LINGO2: variants seen among roughly 807,000 people sequenced by gnomAD.
LINGO2 encodes leucine rich repeat and Ig domain containing 2.
Under a neutral mutation model 30.6 loss-of-function variants are expected in LINGO2, and 14 were observed. The observed-to-expected ratio is 0.46, with a 90% CI of 0.30 to 0.72. LINGO2 has a LOEUF of 0.72. LINGO2 is among the 30% of genes least tolerant of loss of function. LINGO2 has a pLI of 0.07. For synonymous variants in LINGO2, 317 were observed against 288.5 expected, an observed-to-expected ratio of 1.10 and a Z score of -1.00; for missense variants, 729 against 751.7, an observed-to-expected ratio of 0.97 and a Z score of 0.35.
intron 4 of LINGO2, among the ~76,000 whole-genome samples, chr9:28,270,272 G>T (rs1564086192): frequency 6.6e-6 from 1 of 152,042 alleles, no homozygotes; most frequent in Non-Finnish European, 1.5e-5. Context: ...TATGGGAGCT[G>T]AGCCTATCAG....
intron 5 of LINGO2, among the ~76,000 whole-genome samples, chr9:27,976,949 C>G (rs1428237030): frequency 4.0e-5 from 6 of 151,628 alleles, no homozygotes. Context: ...AAGTTTGTTT[C>G]TAAATACATA....
the LINGO2 span, among the ~76,000 whole-genome samples, chr9:29,060,756 T>TA: frequency 9.9e-4 from 150 of 151,438 alleles, no homozygotes; most frequent in Middle Eastern, 3.4e-3. Context: ...TGTTTGAAAT[T>TA]AAAAAAAACT....
intron 4 of LINGO2, among the ~76,000 whole-genome samples, chr9:28,284,249 C>T (rs78407229): frequency 6.6e-4 from 100 of 152,238 alleles, no homozygotes; most frequent in African/African-American, 2.3e-3. Flanking sequence ...CAGATGCCGA[C>T]TTTGCTGATG....
At chr9:29,157,339 C>T in the LINGO2 span, among the ~76,000 whole-genome samples, 2 of 152,158 alleles carry the variant, frequency 1.3e-5, no homozygotes, top group Non-Finnish European at 2.9e-5. Context: ...GTATAGTCAA[C>T]CTCTCTAGTC....
At chr9:28,181,351 T>G (rs1019966840) in intron 4 of LINGO2, among the ~76,000 whole-genome samples, 2 of 152,208 alleles carry the variant, frequency 1.3e-5, no homozygotes, top group Non-Finnish European at 2.9e-5. Flanking sequence ...ATTTCATTGT[T>G]GCTTGAATAA....
At chr9:28,262,562 T>A (rs1390732196) in intron 4 of LINGO2, among the ~76,000 whole-genome samples, 1 of 151,978 alleles carries the variant, frequency 6.6e-6, no homozygotes, top group African/African-American at 2.4e-5. Context: ...AGTGGTAAAT[T>A]CTTTATTGGA....
the LINGO2 span, among the ~76,000 whole-genome samples, chr9:29,134,072 T>C: frequency 1.4e-4 from 21 of 152,178 alleles, no homozygotes; most frequent in Non-Finnish European, 2.4e-4. Flanking sequence ...GATGAGTTTA[T>C]TGTTTTCCTT....
At chr9:28,596,514 A>G (rs1488767431) in intron 1 of LINGO2, among the ~76,000 whole-genome samples, 1 of 152,214 alleles carries the variant, frequency 6.6e-6, no homozygotes, top group African/African-American at 2.4e-5. Flanking sequence ...ATTCTATAAT[A>G]GATGCATGAA....
At chr9:28,422,762 A>T (rs1464094666) in intron 2 of LINGO2, among the ~76,000 whole-genome samples, 1 of 152,124 alleles carries the variant, frequency 6.6e-6, no homozygotes, top group Non-Finnish European at 1.5e-5. Context: ...CAAAAGATGG[A>T]TGTAGCCTAT....
At chr9:28,448,520 G>A (rs1824518508) in intron 2 of LINGO2, among the ~76,000 whole-genome samples, 1 of 152,032 alleles carries the variant, frequency 6.6e-6, no homozygotes, top group Admixed American at 6.6e-5. Flanking sequence ...AAAGCTATTT[G>A]CTAAAGGCAA....
chr9:28,886,273 A>G, the LINGO2 span, among the ~76,000 whole-genome samples: 1 of 152,144 alleles, frequency 6.6e-6, no homozygotes, highest in Non-Finnish European at 1.5e-5. Context: ...ATTGGCTAAC[A>G]TAATTAGGAT....
At chr9:28,867,503 C>T in the LINGO2 span, among the ~76,000 whole-genome samples, 248 of 150,136 alleles carry the variant, frequency 1.7e-3, no homozygotes, top group African/African-American at 5.7e-3. Flanking sequence ...AAAAAGAAGA[C>T]AAACTCTTAC....
rs954233689 is a variant in LINGO2, at chr9:28,148,517, C to G, written c.-86-136112G>C. The G allele has an allele frequency of 8.1e-6, 12 of 1,475,310 alleles. No homozygotes were observed. The highest frequency in any genetic ancestry group is 1.1e-5 in the Non-Finnish European group (12 of 1,093,218). 91.4% of individuals were successfully genotyped at this position (1,475,310 alleles called of 1,614,324 possible). A position where few individuals can be genotyped will look rare whatever the true frequency, so the allele number is the denominator to read the frequency against. On this transcript the variant is annotated intron_variant, in intron 4 of 5. Transcript: ENST00000379992. The surrounding 1 kb of genome is among the most constrained non-coding windows in gnomAD (Gnocchi z 5.1). ...GGGGCAGGAGGACAATAAAAGGGGC[C>G]CCTGTAGCAATGGGGAAGCAGCTTC...
the LINGO2 span, among the ~76,000 whole-genome samples, chr9:29,073,678 G>A: frequency 0.2 from 30,008 of 151,926 alleles, 3,111 homozygotes; most frequent in African/African-American, 0.24. Flanking sequence ...CCACATACTC[G>A]AAATACTACT....
At chr9:28,376,367 C>A (rs1279432076) in intron 2 of LINGO2, among the ~76,000 whole-genome samples, 1 of 152,154 alleles carries the variant, frequency 6.6e-6, no homozygotes, top group Admixed American at 6.5e-5. Context: ...TAAGAGGTTT[C>A]CTAAAGATGG....
chr9:28,303,601 A>C (rs973434628), intron 3 of LINGO2, among the ~76,000 whole-genome samples: 1 of 152,182 alleles, frequency 6.6e-6, no homozygotes, highest in Admixed American at 6.6e-5. Flanking sequence ...ACAGTAGATT[A>C]ACACGTGTTT....
chr9:28,096,162 T>C (rs960165353), intron 4 of LINGO2, among the ~76,000 whole-genome samples: 3 of 151,966 alleles, frequency 2.0e-5, no homozygotes, highest in African/African-American at 7.2e-5. Flanking sequence ...ACAAAAAGGA[T>C]AGTTCTGTTG....
At chr9:28,365,851 T>C (rs1820649838) in intron 3 of LINGO2, among the ~76,000 whole-genome samples, 1 of 151,060 alleles carries the variant, frequency 6.6e-6, no homozygotes, top group Non-Finnish European at 1.5e-5. Flanking sequence ...CTGGAGGCCT[T>C]AGAGGCAGAG....
At chr9:28,916,239 G>C in the LINGO2 span, among the ~76,000 whole-genome samples, 1 of 152,008 alleles carries the variant, frequency 6.6e-6, no homozygotes, top group Non-Finnish European at 1.5e-5. Flanking sequence ...TTTCACCCCC[G>C]AATTTGTTTC....
Sources: allele counts gnomAD v4.1 joint callset (sites outside exome capture counted in the v4.1 genomes callset), GRCh38; gene constraint gnomAD v4.1.1; non-coding constraint Gnocchi (gnomAD v3.1); transcripts MANE v1.5; gene names NCBI Gene and HGNC (gene_info 2026-07-23, HGNC 2026-07-21).